Variants in PLCB1 observed in about 807,000 individuals in gnomAD.
PLCB1 encodes the protein 1-phosphatidylinositol 4,5-bisphosphate phosphodiesterase beta-1.
A neutral mutation model predicts 161.8 loss-of-function variants in PLCB1; 46 were observed. The ratio of observed to expected loss-of-function variants is 0.28; its 90% confidence interval spans 0.22 to 0.36. PLCB1 has a LOEUF of 0.36. Ranked by LOEUF, PLCB1 falls within the 10% of genes least tolerant of loss-of-function variation. The pLI is 1.00. For missense variants in PLCB1, 1,016 were observed against 1,472.5 expected, an observed-to-expected ratio of 0.69 and a Z score of 5.07; for synonymous variants, 517 against 503.7, an observed-to-expected ratio of 1.03 and a Z score of -0.35.
intron 3 of PLCB1, among the ~76,000 whole-genome samples, chr20:8,513,069 T>A (rs370312306): frequency 6.6e-6 from 1 of 152,232 alleles, no homozygotes; most frequent in South Asian, 2.1e-4. Context: ...CTGGCTTATT[T>A]TACTTAGTAT....
chr20:8,604,765 C>T (rs1987706433), intron 3 of PLCB1, among the ~76,000 whole-genome samples: 1 of 152,114 alleles, frequency 6.6e-6, no homozygotes, highest in Non-Finnish European at 1.5e-5. Context: ...ATTCACATTG[C>T]ATTGTATGAA....
At chr20:8,676,929 T>C (rs1990094380) in intron 9 of PLCB1, among the ~76,000 whole-genome samples, 1 of 152,100 alleles carries the variant, frequency 6.6e-6, no homozygotes, top group African/African-American at 2.4e-5. Flanking sequence ...ATATATTATG[T>C]CCATGAAAAA....
In PLCB1 at chr20:8,783,061, G is replaced by A. The variant is rs138547175; in HGVS notation, c.3112-5388G>A. ...CAAGCGTGAAGTTTTATTCCCCAGG[G>A]CCTTTCTGTTAACTCCTTAAAAGGT... On this transcript the variant is annotated intron_variant, in intron 27 of 31. Transcript: ENST00000338037. Among the ~76,000 whole-genome samples the A allele has an allele frequency of 1.3e-3, 197 of 152,286 alleles. 1 individual carries two copies. The highest frequency in any genetic ancestry group is 4.4e-3 in the African/African-American group (182 of 41,558).
intron 3 of PLCB1, among the ~76,000 whole-genome samples, chr20:8,404,529 CCT>C (rs1384005606): frequency 6.6e-5 from 10 of 152,224 alleles, no homozygotes; most frequent in Non-Finnish European, 1.3e-4. Flanking sequence ...TTTTTTCTCC[CCT>C]GAGAAGCAGG....
intron 3 of PLCB1, among the ~76,000 whole-genome samples, chr20:8,500,718 T>A (rs888259795): frequency 2.0e-5 from 3 of 152,220 alleles, no homozygotes; most frequent in African/African-American, 7.2e-5. Context: ...TTATACATCC[T>A]TTATTAGTGA....
chr20:8,471,239 A>C (rs2122715504), intron 3 of PLCB1, among the ~76,000 whole-genome samples: 1 of 152,264 alleles, frequency 6.6e-6, no homozygotes, highest in Non-Finnish European at 1.5e-5. Context: ...AACGGGATGG[A>C]GTGTTTTAAC....
intron 2 of PLCB1, among the ~76,000 whole-genome samples, chr20:8,176,644 G>A (rs1483968863): frequency 3.9e-5 from 6 of 152,098 alleles, no homozygotes; most frequent in South Asian, 2.1e-4. Context: ...ACCCACACAC[G>A]CAAGTCAAAC....
At chr20:8,390,915 G>A (rs1473047041) in intron 3 of PLCB1, among the ~76,000 whole-genome samples, 3 of 151,240 alleles carry the variant, frequency 2.0e-5, no homozygotes, top group South Asian at 2.1e-4. Flanking sequence ...AGGAATAATC[G>A]CCATGTTTAT....
chr20:8,245,138 C>T (rs1200158660), intron 2 of PLCB1, among the ~76,000 whole-genome samples: 1 of 151,630 alleles, frequency 6.6e-6, no homozygotes, highest in African/African-American at 2.4e-5. Flanking sequence ...TAAATAGAGC[C>T]TTATGCATGC....
intron 3 of PLCB1, among the ~76,000 whole-genome samples, chr20:8,535,064 G>A (rs1984986921): frequency 7.3e-6 from 1 of 136,576 alleles, no homozygotes; most frequent in Non-Finnish European, 1.5e-5. Flanking sequence ...GGTGGAAATA[G>A]AGCAATTCTT....
At chr20:8,269,575 G>T (rs1186453908) in intron 2 of PLCB1, among the ~76,000 whole-genome samples, 3 of 152,048 alleles carry the variant, frequency 2.0e-5, no homozygotes, top group Non-Finnish European at 4.4e-5. Flanking sequence ...AAATGGAGTC[G>T]TAAAGTAATA....
intron 3 of PLCB1, among the ~76,000 whole-genome samples, chr20:8,399,791 C>T (rs930744266): frequency 2.6e-5 from 4 of 151,806 alleles, no homozygotes; most frequent in African/African-American, 9.7e-5. Flanking sequence ...AAAATCATTA[C>T]TAGTTAAACA....
intron 3 of PLCB1, among the ~76,000 whole-genome samples, chr20:8,392,321 C>G (rs1037336732): frequency 6.6e-6 from 1 of 152,138 alleles, no homozygotes; most frequent in African/African-American, 2.4e-5. Flanking sequence ...GACACGGAAC[C>G]TGTCTACGCC....
intron 2 of PLCB1, among the ~76,000 whole-genome samples, chr20:8,260,192 A>G (rs1442104277): frequency 1.3e-5 from 2 of 150,004 alleles, no homozygotes; most frequent in Non-Finnish European, 3.0e-5. Context: ...GCAATCTTAT[A>G]GCCTCAGCCT....
intron 2 of PLCB1, among the ~76,000 whole-genome samples, chr20:8,175,485 A>G (rs1232172538): frequency 1.3e-5 from 2 of 152,098 alleles, no homozygotes; most frequent in African/African-American, 4.8e-5. Flanking sequence ...GTATAAAATG[A>G]AGTTCAACAT....
chr20:8,495,566 T>TG (rs1402313595), intron 3 of PLCB1, among the ~76,000 whole-genome samples: 1 of 150,046 alleles, frequency 6.7e-6, no homozygotes, highest in Non-Finnish European at 1.5e-5. Flanking sequence ...GCCGGCTAAT[T>TG]TTTTGTATTT....
intron 29 of PLCB1, among the ~76,000 whole-genome samples, 182 bp from the exon 30 acceptor site, chr20:8,789,336 G>GC (rs1332261031): frequency 6.6e-6 from 1 of 152,184 alleles, no homozygotes. Context: ...CCATGATGGT[G>GC]CCACTGCACT....
intron 4 of PLCB1, among the ~76,000 whole-genome samples, chr20:8,635,397 GT>G (rs1988731207): frequency 6.6e-6 from 1 of 152,206 alleles, no homozygotes; most frequent in Admixed American, 6.5e-5. Context: ...TTAACACCAT[GT>G]GCTGCAATCT....
chr20:8,845,190 T>C (rs2146294992), intron 31 of PLCB1, among the ~76,000 whole-genome samples: 1 of 152,280 alleles, frequency 6.6e-6, no homozygotes, highest in Non-Finnish European at 1.5e-5. Context: ...ATGAGTTCTT[T>C]TGGTGACTAG....
Sources: gnomAD v4.1 joint callset for allele counts (sites outside exome capture counted in the v4.1 genomes callset) on GRCh38, gnomAD v4.1.1 for gene constraint, MANE v1.5 for transcripts, NCBI Gene and HGNC (gene_info 2026-07-23, HGNC 2026-07-21) for gene names.